SHQ1: variants seen among roughly 807,000 people sequenced by gnomAD.
The protein encoded by SHQ1 is protein SHQ1 homolog.
Under a neutral mutation model 53.8 loss-of-function variants are expected in SHQ1, and 49 were observed. That is an observed-to-expected ratio of 0.91 (90% CI 0.72 to 1.16). The LOEUF (loss-of-function observed/expected upper bound fraction) is 1.16, where lower values mean the gene tolerates loss of function less well. SHQ1 is among the 50% of genes most tolerant of loss of function. The pLI, the probability that SHQ1 is intolerant of heterozygous loss-of-function variation, is 0.00. For missense variants in SHQ1, 738 were observed against 683.1 expected (o/e 1.08, Z -0.90); for synonymous variants, 243 against 251.0 (o/e 0.97, Z 0.30).
intron 10 of SHQ1, among the ~76,000 whole-genome samples, chr3:72,756,555 A>C (rs9865944): frequency 6.6e-6 from 1 of 151,984 alleles, no homozygotes; most frequent in African/African-American, 2.4e-5. Context: ...TGGGGATTAC[A>C]GGAGTAAGCC....
At chr3:72,846,225 C>G (rs372019193) in intron 1 of SHQ1, 1 of 1,535,624 alleles carries the variant, frequency 6.5e-7, no homozygotes, top group East Asian at 2.4e-5. Flanking sequence ...ATGGGGCCTC[C>G]GCAGCTACAG....
intron 9 of SHQ1, among the ~76,000 whole-genome samples, chr3:72,806,435 G>A (rs1706948537): frequency 6.6e-6 from 1 of 152,100 alleles, no homozygotes; most frequent in Non-Finnish European, 1.5e-5. Flanking sequence ...CTGGTATGGG[G>A]AATTAAGCCA....
chr3:72,757,381 C>CTTT (rs779724149), intron 10 of SHQ1, among the ~76,000 whole-genome samples: 5 of 134,926 alleles, frequency 3.7e-5, no homozygotes, highest in African/African-American at 8.3e-5. Context: ...CTTCTCTTTC[C>CTTT]TTTTTTTTTT....
At chr3:72,747,853 G>GT (rs112887793), downstream of SHQ1, among the ~76,000 whole-genome samples, 12,682 of 152,030 alleles carry the variant, frequency 0.083, 1,580 homozygotes, top group African/African-American at 0.27. Flanking sequence ...GCCAGGTGTG[G>GT]TGGTGCATGC....
At chr3:72,753,835 G>A (rs1170914530) in intron 10 of SHQ1, among the ~76,000 whole-genome samples, 1 of 152,156 alleles carries the variant, frequency 6.6e-6, no homozygotes, top group South Asian at 2.1e-4. Flanking sequence ...GACAGTTGTA[G>A]ATAATGTCCA....
chr3:72,735,308 T>G, the SHQ1 span, among the ~76,000 whole-genome samples: 1 of 150,016 alleles, frequency 6.7e-6, no homozygotes, highest in South Asian at 2.1e-4. Flanking sequence ...CGCTGGCCTC[T>G]GCTGTGATCA....
chr3:72,815,248 T>G (rs541562442), intron 8 of SHQ1, 102 bp downstream of exon 8: 1 of 946,062 alleles, frequency 1.1e-6, no homozygotes, highest in African/African-American at 1.6e-5. Flanking sequence ...CTTCTACTTT[T>G]AAAAATTCAA....
At chr3:72,777,077 T>C (rs1705972448) in intron 10 of SHQ1, among the ~76,000 whole-genome samples, 1 of 152,194 alleles carries the variant, frequency 6.6e-6, no homozygotes, top group Non-Finnish European at 1.5e-5. Flanking sequence ...AGGACTTAAA[T>C]GCAAAATGCA....
At chr3:72,730,814 T>C in the SHQ1 span, among the ~76,000 whole-genome samples, 1 of 152,032 alleles carries the variant, frequency 6.6e-6, no homozygotes, top group Non-Finnish European at 1.5e-5. Context: ...TCCTCCCTTC[T>C]TCCTTCCATG....
At chr3:72,760,348 T>A (rs934668172) in intron 10 of SHQ1, among the ~76,000 whole-genome samples, 1 of 152,226 alleles carries the variant, frequency 6.6e-6, no homozygotes, top group Non-Finnish European at 1.5e-5. Context: ...TTTGTGAGGT[T>A]TGACTACCAT....
intron 10 of SHQ1, among the ~76,000 whole-genome samples, chr3:72,759,122 T>C (rs1308361660): frequency 6.6e-6 from 1 of 152,228 alleles, no homozygotes; most frequent in Non-Finnish European, 1.5e-5. Flanking sequence ...TTACCAGTTA[T>C]GGTGGATTAA....
chr3:72,792,811 A>AAAAACAACTTACTCCTCAGGTTATTT, intron 10 of SHQ1, 105 bp downstream of exon 10: 1 of 710,236 alleles, frequency 1.4e-6, no homozygotes, highest in Non-Finnish European at 2.1e-6. Flanking sequence ...AAAAAAAAAA[A>AAAAACAACTTACTCCTCAGGTTATTT]CACAACTTAC....
intron 5 of SHQ1, among the ~76,000 whole-genome samples, chr3:72,829,267 C>T (rs1348844490): frequency 6.6e-6 from 1 of 152,146 alleles, no homozygotes; most frequent in Non-Finnish European, 1.5e-5. Flanking sequence ...AGTGGGATGC[C>T]TAGTCACTCT....
chr3:72,842,456 C>T, intron 2 of SHQ1, 54 bp from the exon 3 acceptor site: 1 of 1,523,146 alleles, frequency 6.6e-7, no homozygotes. Flanking sequence ...AAGCTGGGCA[C>T]AATAGCTTAC....
intron 9 of SHQ1, among the ~76,000 whole-genome samples, chr3:72,806,532 C>A (rs1347812991): frequency 6.6e-6 from 1 of 152,074 alleles, no homozygotes; most frequent in Non-Finnish European, 1.5e-5. Context: ...GGGAATTAAG[C>A]AATAATATTT....
chr3:72,839,264 T>C (rs567300200), intron 4 of SHQ1, among the ~76,000 whole-genome samples: 8 of 152,314 alleles, frequency 5.3e-5, no homozygotes, highest in Middle Eastern at 3.4e-3. Context: ...TGGCCAACAA[T>C]TGAGGGCCAT....
At chr3:72,840,674 A>C (rs915569458) in intron 4 of SHQ1, among the ~76,000 whole-genome samples, 1 of 152,236 alleles carries the variant, frequency 6.6e-6, no homozygotes, top group African/African-American at 2.4e-5. Flanking sequence ...TTTCATTTAT[A>C]TACAGAAAAG....
At chr3:72,750,907 T>A in intron 10 of SHQ1, 71 bp from the exon 11 acceptor site, 1 of 1,305,916 alleles carries the variant, frequency 7.7e-7, no homozygotes, top group East Asian at 2.6e-5. Context: ...GTTATACAGC[T>A]TCCAAAAAAA....
intron 10 of SHQ1, chr3:72,772,690 G>T (rs1013916793): frequency 6.9e-6 from 5 of 727,014 alleles, no homozygotes; most frequent in Non-Finnish European, 1.3e-5. Flanking sequence ...GTAAGAGCTT[G>T]ATGGTGCACC....
Sources: gnomAD v4.1 joint callset for allele counts (sites outside exome capture counted in the v4.1 genomes callset) on GRCh38, gnomAD v4.1.1 for gene constraint, MANE v1.5 for transcripts, NCBI Gene and HGNC (gene_info 2026-07-23, HGNC 2026-07-21) for gene names.